The following TM4SF4 variants were observed in gnomAD, a reference collection of about 807,000 sequenced individuals.
TM4SF4 encodes the protein transmembrane 4 L6 family member 4.
TM4SF4 carries 24 observed loss-of-function variants against 24.1 expected under a neutral mutation model. The ratio of observed to expected loss-of-function variants is 1.00; its 90% CI spans 0.72 to 1.40. TM4SF4 has a LOEUF of 1.40. TM4SF4 is among the 40% of genes most tolerant of loss of function. The probability of loss-of-function intolerance (pLI) is 0.00; values close to 1 mark genes in which losing one functional copy is unlikely to be tolerated. For synonymous variants in TM4SF4, 113 were observed against 97.0 expected, an observed-to-expected ratio of 1.17 and a Z score of -0.97; for missense variants, 254 against 254.2, an observed-to-expected ratio of 1.00 and a Z score of 0.01.
chr3:149,491,199 A>G (rs542495959), intron 3 of TM4SF4, among the ~76,000 whole-genome samples: 1 of 150,780 alleles, frequency 6.6e-6, no homozygotes, highest in East Asian at 2.0e-4. Flanking sequence ...TAATCTCAGC[A>G]CTTTGGGATG....
chr3:149,501,608 T>C lies in TM4SF4; in HGVS notation c.592-1068T>C, dbSNP rs1004949437. Among the ~76,000 whole-genome samples the C allele has an allele frequency of 5.9e-5, 9 of 152,350 alleles. 1 individual carries two copies. The highest frequency in any genetic ancestry group is 5.2e-4 in the Admixed American group (8 of 15,304). ...TCAGTCTGCTGAAGATTCCTTTCTC[T>C]TGGGCAGCTGGCCTCTCATGGGGCT... On this transcript the variant is annotated intron_variant, in intron 4 of 4. Coordinates refer to ENST00000305354, the MANE Select transcript of TM4SF4 (RefSeq NM_004617.4).
chr3:149,480,145 G>C (rs562893711), intron 2 of TM4SF4, among the ~76,000 whole-genome samples: 1 of 151,970 alleles, frequency 6.6e-6, no homozygotes, highest in South Asian at 2.1e-4. Context: ...TAAGAACCCC[G>C]GCCTGGGTTT....
intron 3 of TM4SF4, 91 bp from the exon 4 acceptor site, chr3:149,498,631 G>A (rs1734357744): frequency 1.7e-6 from 2 of 1,143,966 alleles, no homozygotes; most frequent in South Asian, 2.9e-5. Context: ...GTGGAAAGTA[G>A]TGCATGAGAA....
intron 3 of TM4SF4, among the ~76,000 whole-genome samples, chr3:149,492,293 C>G (rs773687863): frequency 1.3e-5 from 2 of 152,130 alleles, no homozygotes; most frequent in African/African-American, 2.4e-5. Flanking sequence ...AATGCCATAG[C>G]ATTTAGCACT....
chr3:149,489,282 G>A (rs933174189), intron 3 of TM4SF4, among the ~76,000 whole-genome samples: 12 of 152,058 alleles, frequency 7.9e-5, no homozygotes, highest in African/African-American at 2.9e-4. Flanking sequence ...TCCACCTAGG[G>A]GTGTGTGTGT....
chr3:149,502,710 G>C lies in TM4SF4; in HGVS notation c.*17G>C. 1 of 1,581,010 alleles carries C rather than the reference G, an allele frequency of 6.3e-7. No homozygotes were observed. The highest frequency in any genetic ancestry group is 8.7e-7 in the Non-Finnish European group (1 of 1,150,890). On this transcript the variant is annotated 3_prime_UTR_variant, in exon 5 of 5. Coordinates refer to ENST00000305354, the MANE Select transcript of TM4SF4 (RefSeq NM_004617.4). ...CCCGTTTAAACCTCCGAGATGAGCT[G>C]CTCAGACTCTACAGCATGACGACTA... is the stretch of plus-strand genomic sequence containing the variant.
intron 2 of TM4SF4, among the ~76,000 whole-genome samples, chr3:149,480,402 T>C (rs1484205260): frequency 1.3e-5 from 2 of 152,208 alleles, no homozygotes; most frequent in African/African-American, 2.4e-5. Flanking sequence ...AAAGGTAGAC[T>C]GATGAGGATA....
chr3:149,497,864 C>T (rs527791896), intron 3 of TM4SF4, among the ~76,000 whole-genome samples: 134 of 152,196 alleles, frequency 8.8e-4, no homozygotes, highest in African/African-American at 3.1e-3. Context: ...AGGCTGGTCT[C>T]GAACTCCTGA....
intron 1 of TM4SF4, 31 bp downstream of exon 1, chr3:149,475,082 G>C: frequency 1.3e-6 from 2 of 1,591,306 alleles, no homozygotes; most frequent in Non-Finnish European, 8.5e-7. Flanking sequence ...TCCCCCTAAG[G>C]GAGATTTTCC....
At chr3:149,497,154 C>T (rs1009066024) in intron 3 of TM4SF4, among the ~76,000 whole-genome samples, 6 of 152,190 alleles carry the variant, frequency 3.9e-5, no homozygotes, top group African/African-American at 1.4e-4. Context: ...GACTAGACTG[C>T]TTAGATTAAG....
chr3:149,479,061 C>A (rs1247955062), intron 2 of TM4SF4, among the ~76,000 whole-genome samples: 2 of 152,306 alleles, frequency 1.3e-5, no homozygotes, highest in East Asian at 3.9e-4. Context: ...GCCACTGCGC[C>A]TGGCCGATTG....
chr3:149,475,773 C>G (rs772012587), intron 1 of TM4SF4, 50 bp from the exon 2 acceptor site: 3 of 1,506,236 alleles, frequency 2.0e-6, no homozygotes, highest in East Asian at 2.4e-5. Context: ...CAGGCTCGGG[C>G]CCTCCCTTCA....
intron 3 of TM4SF4, among the ~76,000 whole-genome samples, chr3:149,493,797 C>T (rs1040472665): frequency 2.6e-5 from 4 of 152,128 alleles, no homozygotes; most frequent in Non-Finnish European, 5.9e-5. Context: ...AAACACAGAG[C>T]GCTGGGGAGC....
At chr3:149,489,844 G>A (rs1364276034) in intron 3 of TM4SF4, among the ~76,000 whole-genome samples, 7 of 152,056 alleles carry the variant, frequency 4.6e-5, no homozygotes, top group Admixed American at 3.9e-4. Flanking sequence ...AAACAGAATA[G>A]GGTAAACCTT....
Position 149,475,051 on chromosome 3 carries a change from G to A in TM4SF4, c.174G>A (p.Leu58=). Residue 58 remains leucine (L), a splice_region_variant and synonymous_variant, in exon 1 of 5, where the codon TTG becomes TTA. Coordinates refer to ENST00000305354, the MANE Select transcript of TM4SF4 (RefSeq NM_004617.4). ...FFGGILGSGV[L]MIFPALVFLG... is the part of the protein sequence containing the mutation. ...GAGGAATATTAGGAAGCGGTGTCTTGGTGAGTAGGGAAGCTTAAAATCCCC... is the reference window on the plus strand; with the variant it reads ...GAGGAATATTAGGAAGCGGTGTCTTAGTGAGTAGGGAAGCTTAAAATCCCC... 1 of 1,568,212 alleles carries A rather than the reference G, an allele frequency of 6.4e-7. No homozygotes were observed. The highest frequency in any genetic ancestry group is 8.7e-7 in the Non-Finnish European group (1 of 1,152,660).
intron 2 of TM4SF4, among the ~76,000 whole-genome samples, chr3:149,481,669 G>T (rs1734036751): frequency 6.6e-6 from 1 of 152,202 alleles, no homozygotes; most frequent in Non-Finnish European, 1.5e-5. Context: ...CACACCATGT[G>T]TGGAGACAGC....
chr3:149,474,780 C>A lies in TM4SF4; in HGVS notation c.-98C>A, dbSNP rs969572681. On this transcript the variant is annotated 5_prime_UTR_variant, in exon 1 of 5. Coordinates refer to ENST00000305354, the MANE Select transcript of TM4SF4 (RefSeq NM_004617.4). Reference sequence around the variant, plus strand: ...CCCAAAATACTGATTGAATTGGAGACAATTACAAGGACTCTCTGGCCAAAA... The same window carrying A: ...CCCAAAATACTGATTGAATTGGAGAAAATTACAAGGACTCTCTGGCCAAAA... 1.1e-5 allele frequency: 14 copies of A among 1,305,648 alleles called. No individual in the cohort carries two copies. In the African/African-American group the frequency reaches 1.9e-4, roughly 18 times the overall value. 80.9% of individuals were successfully genotyped at this position (1,305,648 alleles called of 1,614,324 possible). A position where few individuals can be genotyped will look rare whatever the true frequency, so the allele number is the denominator to read the frequency against.
In TM4SF4 at chr3:149,481,285, T is replaced by C. The variant is rs562722956; in HGVS notation, c.264+5373T>C. The stretch of plus-strand genomic sequence containing the variant: ...TTGCAAGCATTTGGTGTAAGGGAAG[T>C]ACCAACTAAGTGCCTAGGGTATGGA... On this transcript the variant is annotated intron_variant, in intron 2 of 4. Transcript: ENST00000305354. Among the ~76,000 whole-genome samples the C allele has an allele frequency of 5.7e-5, 6 of 105,000 alleles. No homozygotes were observed. The East Asian group carries it at 1.0e-3, about 18-fold the overall frequency. The allele number at this position is 105,000 out of a possible 152,430, so 68.9% of individuals were successfully genotyped here. A position where few individuals can be genotyped will look rare whatever the true frequency, so the allele number is the denominator to read the frequency against.
In TM4SF4 at chr3:149,475,070, A is replaced by T. The variant is rs942052453; in HGVS notation, c.174+19A>T. The T allele has an allele frequency of 2.5e-6, 4 of 1,605,644 alleles. No homozygotes were observed. The Admixed American group carries it at 6.8e-5, about 27-fold the overall frequency. ...TGTCTTGGTGAGTAGGGAAGCTTAA[A>T]ATCCCCCTAAGGGAGATTTTCCCTT... On this transcript the variant is annotated intron_variant, in intron 1 of 4. Transcript: ENST00000305354.
Sources: gnomAD v4.1 joint callset for allele counts (sites outside exome capture counted in the v4.1 genomes callset) on GRCh38, gnomAD v4.1.1 for gene constraint, MANE v1.5 for transcripts, NCBI Gene and HGNC (gene_info 2026-07-23, HGNC 2026-07-21) for gene names.